ATF7: variants seen among roughly 807,000 people sequenced by gnomAD.
ATF7 encodes the protein cyclic AMP-dependent transcription factor ATF-7.
In ATF7, 10 loss-of-function variants were observed where a neutral mutation model predicts 50.4. The observed-to-expected ratio is 0.20, with a 90% confidence interval of 0.12 to 0.34. The LOEUF (loss-of-function observed/expected upper bound fraction) is 0.34. ATF7 is among the 10% of genes least tolerant of loss of function. ATF7 has a pLI of 1.00. For synonymous variants in ATF7, 201 were observed against 226.4 expected, an observed-to-expected ratio of 0.89 and a Z score of 1.01; for missense variants, 465 against 613.9, an observed-to-expected ratio of 0.76 and a Z score of 2.56.
rs1251541417 is a variant in ATF7, at chr12:53,516,886, C to T, written c.*251G>A. 1.5e-5 allele frequency: 8 copies of T among 546,962 alleles called. No homozygotes were observed. Among genetic ancestry groups the T allele is most frequent in the Non-Finnish European group, 2.6e-5 (8 of 302,724 alleles). 33.9% of individuals were successfully genotyped at this position (546,962 alleles called of 1,614,324 possible). A position where few individuals can be genotyped will look rare whatever the true frequency, so the allele number is the denominator to read the frequency against. ...TCGGACCATCTGGAAAGGCCTTTGG[C>T]TGTGGATGCATCAGAAACCCCACCC... is the stretch of plus-strand genomic sequence containing the variant. On this transcript the variant is annotated 3_prime_UTR_variant, in exon 12 of 12. Coordinates refer to ENST00000420353, the MANE Select transcript of ATF7 (RefSeq NM_006856.3).
rs917606606 is a variant in ATF7, at chr12:53,600,972, T to C, written c.29A>G (p.Asn10Ser). The change falls in exon 2 of 12, where the codon AAT (asparagine) becomes AGT (serine). Residue 10 changes from asparagine to serine, a missense_variant. By Grantham distance (46) the Asn-to-Ser change is conservative. Transcript: ENST00000420353. MGDDRPFVC[N>S]APGCGQRFTN... ...ACGTACCTGTCCACAGCCCGGGGCA[T>C]TGCACACAAACGGTCTGTCGTCTCC... The C allele has an allele frequency of 1.9e-6, 3 of 1,613,424 alleles. No individual in the cohort carries two copies. The highest frequency in any genetic ancestry group is 2.5e-6 in the Non-Finnish European group (3 of 1,179,700).
chr12:53,582,821 T>G (rs1393314214), intron 2 of ATF7, among the ~76,000 whole-genome samples: 3 of 152,132 alleles, frequency 2.0e-5, no homozygotes, highest in Admixed American at 2.0e-4. Flanking sequence ...CCTGACCTCG[T>G]GATCCGCCCA....
intron 11 of ATF7, among the ~76,000 whole-genome samples, chr12:53,520,284 AAACT>A (rs1380103469): frequency 6.6e-6 from 1 of 152,084 alleles, no homozygotes; most frequent in East Asian, 1.9e-4. Context: ...AATGCTTTAA[AAACT>A]AACTATGGCC....
chr12:53,588,581 T>C (rs1942819556), intron 2 of ATF7, among the ~76,000 whole-genome samples: 1 of 152,164 alleles, frequency 6.6e-6, no homozygotes. Context: ...ATCCTTTGTA[T>C]GTGGGAGCTT....
rs925748818 is a variant in ATF7 at position 53,620,971 on chromosome 12, C to A, written c.-22+5308G>T. 1.1e-4 allele frequency among the ~76,000 whole-genome samples: 16 copies of A among 152,214 alleles called. No homozygotes were observed. The South Asian group carries it at 2.5e-3, about 24-fold the overall frequency. ...ATCGTAGACTAGTGAAATATTATTT[C>A]TCAGAAAGATTCTAAATGAATTATT... On this transcript the variant is annotated intron_variant, in intron 1 of 11. Coordinates refer to ENST00000420353, the MANE Select transcript of ATF7 (RefSeq NM_006856.3).
At chr12:53,585,330 A>C (rs1942626082) in intron 2 of ATF7, among the ~76,000 whole-genome samples, 1 of 152,158 alleles carries the variant, frequency 6.6e-6, no homozygotes. Context: ...GTGAATTCTA[A>C]TATAAACTAT....
intron 2 of ATF7, among the ~76,000 whole-genome samples, chr12:53,582,776 G>T (rs1015396684): frequency 6.5e-4 from 99 of 151,940 alleles, no homozygotes; most frequent in African/African-American, 2.1e-3. Flanking sequence ...TAGTAGAGAC[G>T]GGATTTCACC....
intron 1 of ATF7, among the ~76,000 whole-genome samples, chr12:53,606,443 T>C (rs1943609180): frequency 6.6e-6 from 1 of 152,068 alleles, no homozygotes; most frequent in African/African-American, 2.4e-5. Context: ...AGATGGGGTT[T>C]CTCCATGTTG....
chr12:53,531,740 T>A lies in ATF7; in HGVS notation c.927+4A>T, dbSNP rs920835910. On this transcript the variant is annotated splice_donor_region_variant and intron_variant, in intron 9 of 11. Transcript: ENST00000420353. ...ATATGACATAAAGAGTAAGAGCCAC[T>A]GACCTGTGGCTGGGCAGGGGATGGG... The A allele has an allele frequency of 1.2e-5, 20 of 1,609,598 alleles. No homozygotes were observed. The East Asian group carries it at 4.2e-4, about 34-fold the overall frequency.
intron 1 of ATF7, among the ~76,000 whole-genome samples, chr12:53,610,234 C>T (rs1165400372): frequency 6.6e-6 from 1 of 152,186 alleles, no homozygotes; most frequent in African/African-American, 2.4e-5. Context: ...TAAGGTCAGT[C>T]TGATCCTAGT....
chr12:53,625,110 G>A (rs1191491711), intron 1 of ATF7, among the ~76,000 whole-genome samples: 1 of 152,120 alleles, frequency 6.6e-6, no homozygotes, highest in Non-Finnish European at 1.5e-5. Context: ...TTAAAGTTAG[G>A]AAAGTAGCAA....
At chr12:53,541,885 G>A (rs1939572384) in intron 4 of ATF7, among the ~76,000 whole-genome samples, 1 of 151,932 alleles carries the variant, frequency 6.6e-6, no homozygotes. Flanking sequence ...GCAGTGGCAT[G>A]ATCTCAGCTC....
intron 4 of ATF7, among the ~76,000 whole-genome samples, chr12:53,541,881 G>A (rs1939572020): frequency 6.6e-6 from 1 of 152,028 alleles, no homozygotes; most frequent in Admixed American, 6.6e-5. Flanking sequence ...GAATGCAGTG[G>A]CATGATCTCA....
In ATF7 at chr12:53,616,572, A is replaced by G. The variant is rs559993972; in HGVS notation, c.-22+9707T>C. ...TTTATTAAGAAGAGATACAATATTG[A>G]AAAGAAAAAAAGAAACTTTATGCAC... is the stretch of plus-strand genomic sequence containing the variant. On this transcript the variant is annotated intron_variant, in intron 1 of 11. Transcript: ENST00000420353. Among the ~76,000 whole-genome samples, 119 of 152,274 alleles carry G rather than the reference A, an allele frequency of 7.8e-4. 1 individual carries two copies. The highest frequency in any genetic ancestry group is 2.7e-3 in the African/African-American group (112 of 41,548).
intron 1 of ATF7, among the ~76,000 whole-genome samples, chr12:53,606,596 G>T (rs906755490): frequency 6.6e-6 from 1 of 151,688 alleles, no homozygotes. Context: ...TAAGTTTTAG[G>T]GTACATGTGC....
At chr12:53,563,222 A>G (rs1012958475) in intron 2 of ATF7, among the ~76,000 whole-genome samples, 1 of 152,168 alleles carries the variant, frequency 6.6e-6, no homozygotes, top group African/African-American at 2.4e-5. Flanking sequence ...TCAGTGATCT[A>G]TCTTTCTTGA....
intron 2 of ATF7, among the ~76,000 whole-genome samples, chr12:53,587,830 T>TATATATATATATATATATATATAC (rs1455004079): frequency 2.3e-5 from 1 of 43,708 alleles, no homozygotes; most frequent in Admixed American, 3.5e-4. Flanking sequence ...CATATATATA[T>TATATATATATATATATATATATAC]ATATATATAT....
At chr12:53,532,365 T>C in intron 8 of ATF7, 145 bp downstream of exon 8, 1 of 631,394 alleles carries the variant, frequency 1.6e-6, no homozygotes. Flanking sequence ...ATTGGAGTCT[T>C]TTCTTTTCCA....
chr12:53,623,777 C>T (rs1394200191), intron 1 of ATF7, among the ~76,000 whole-genome samples: 1 of 152,176 alleles, frequency 6.6e-6, no homozygotes, highest in Non-Finnish European at 1.5e-5. Context: ...CAGCTGTGTT[C>T]AGACAGAGCC....
Sources: gnomAD v4.1 joint callset for allele counts (sites outside exome capture counted in the v4.1 genomes callset) on GRCh38, gnomAD v4.1.1 for gene constraint, MANE v1.5 for transcripts, NCBI Gene and HGNC (gene_info 2026-07-23, HGNC 2026-07-21) for gene names.